Variants in ANKRD30A observed in about 807,000 individuals in gnomAD.
The protein encoded by ANKRD30A is ankyrin repeat domain-containing protein 30A.
Under a neutral mutation model 166.3 loss-of-function variants are expected in ANKRD30A, and 170 were observed. That is an observed-to-expected ratio of 1.02 (90% CI 0.90 to 1.16). The LOEUF is 1.16. Ranked by LOEUF, ANKRD30A falls within the 50% of genes most tolerant of loss-of-function variation. The pLI is 0.00. For synonymous variants in ANKRD30A, 564 were observed against 508.9 expected (o/e 1.11, Z -1.46); for missense variants, 1,630 against 1,518.0 (o/e 1.07, Z -1.23).
At chr10:37,129,255 T>A (rs772531798) in intron 1 of ANKRD30A, among the ~76,000 whole-genome samples, 1 of 152,202 alleles carries the variant, frequency 6.6e-6, no homozygotes, top group Non-Finnish European at 1.5e-5. Context: ...AATAAAAGAT[T>A]GTTTAAATTT....
At chr10:37,164,565 C>G (rs1379244949) in intron 17 of ANKRD30A, among the ~76,000 whole-genome samples, 1 of 152,030 alleles carries the variant, frequency 6.6e-6, no homozygotes, top group Non-Finnish European at 1.5e-5. Context: ...AAAACACACC[C>G]AATACACTGT....
rs869026268 is a variant in ANKRD30A, at chr10:37,142,570, C to CTT, written c.1393+309_1393+310dup. Among the ~76,000 whole-genome samples the CTT allele has an allele frequency of 7.2e-3, 567 of 78,998 alleles. 76 individuals carry two copies. The highest frequency in any genetic ancestry group is 0.018 in the Middle Eastern group (2 of 114). The allele number at this position is 78,998 out of a possible 152,430, so 51.8% of individuals were successfully genotyped here. On this transcript the variant is annotated intron_variant, in intron 7 of 35. Transcript: ENST00000361713. ...GGTACAGGGATATCATAGGATCACA[C>CTT]TTTTTTTTTTTTTTTTTTTTTTTTT...
At chr10:37,204,118 C>T (rs1266242339) in intron 31 of ANKRD30A, among the ~76,000 whole-genome samples, 1 of 152,146 alleles carries the variant, frequency 6.6e-6, no homozygotes, top group Non-Finnish European at 1.5e-5. Flanking sequence ...TGACTTTCTT[C>T]ACAGAATTGG....
chr10:37,208,573 C>T (rs1453980332), intron 31 of ANKRD30A, among the ~76,000 whole-genome samples: 2 of 152,080 alleles, frequency 1.3e-5, no homozygotes, highest in African/African-American at 4.8e-5. Flanking sequence ...CTTGAGACCT[C>T]CACTTTCTCA....
intron 1 of ANKRD30A, among the ~76,000 whole-genome samples, chr10:37,128,807 C>T (rs1292969940): frequency 6.6e-6 from 1 of 151,924 alleles, no homozygotes; most frequent in Non-Finnish European, 1.5e-5. Flanking sequence ...GGAAACTTTT[C>T]CTCTCATCTT....
At chr10:37,212,092 G>C (rs1267465768) in intron 31 of ANKRD30A, among the ~76,000 whole-genome samples, 1 of 151,934 alleles carries the variant, frequency 6.6e-6, no homozygotes, top group Non-Finnish European at 1.5e-5. Context: ...CCTTTTTACA[G>C]ACGACATGAT....
the ANKRD30A span, among the ~76,000 whole-genome samples, chr10:37,253,689 C>T: frequency 6.6e-6 from 1 of 150,812 alleles, no homozygotes; most frequent in Non-Finnish European, 1.5e-5. Flanking sequence ...CACTTTGTCC[C>T]CCAGGCTGGA....
At chr10:37,260,246 T>C in the ANKRD30A span, among the ~76,000 whole-genome samples, 1 of 152,168 alleles carries the variant, frequency 6.6e-6, no homozygotes, top group Admixed American at 6.5e-5. Flanking sequence ...TTTGAATAGC[T>C]ATTTGCTAAT....
chr10:37,241,481 T>C, the ANKRD30A span, among the ~76,000 whole-genome samples: 19 of 151,990 alleles, frequency 1.3e-4, no homozygotes, highest in African/African-American at 3.6e-4. Flanking sequence ...TTTAACAAAC[T>C]TTTTAGTGGA....
intron 35 of ANKRD30A, 142 bp from the exon 36 acceptor site, chr10:37,232,357 A>G (rs371657122): frequency 2.6e-5 from 4 of 151,626 alleles, no homozygotes; most frequent in African/African-American, 9.7e-5. Context: ...GAAAATAGCT[A>G]AATCAACTCT....
chr10:37,151,707 C>A (rs1837950210), intron 11 of ANKRD30A, among the ~76,000 whole-genome samples: 1 of 151,786 alleles, frequency 6.6e-6, no homozygotes, highest in Admixed American at 6.6e-5. Context: ...TATAAATTTA[C>A]AAAGAAAAGA....
intron 27 of ANKRD30A, among the ~76,000 whole-genome samples, chr10:37,196,209 ACTT>A (rs1287583738): frequency 6.6e-6 from 1 of 151,112 alleles, no homozygotes; most frequent in East Asian, 1.9e-4. Context: ...GAGTGAACTC[ACTT>A]CAGATGCATG....
chr10:37,145,535 G>C (rs1564482897), intron 8 of ANKRD30A, among the ~76,000 whole-genome samples: 1 of 152,196 alleles, frequency 6.6e-6, no homozygotes, highest in Non-Finnish European at 1.5e-5. Flanking sequence ...GTGCTGAGTA[G>C]ATTACTGCTT....
At chr10:37,148,032 C>T (rs1048085720) in intron 9 of ANKRD30A, among the ~76,000 whole-genome samples, 2 of 128,268 alleles carry the variant, frequency 1.6e-5, no homozygotes, top group African/African-American at 5.7e-5. Flanking sequence ...CATAGGTGTG[C>T]ATCTATAAAA....
the ANKRD30A span, among the ~76,000 whole-genome samples, chr10:37,244,633 C>T: frequency 1.4e-4 from 21 of 152,352 alleles, no homozygotes; most frequent in African/African-American, 4.6e-4. Flanking sequence ...ACCTCTGCTG[C>T]TTTCCCTCTG....
chr10:37,252,768 C>T, the ANKRD30A span, among the ~76,000 whole-genome samples: 47 of 152,032 alleles, frequency 3.1e-4, no homozygotes, highest in Non-Finnish European at 6.0e-4. Flanking sequence ...CTTAATTACA[C>T]TGTTTCAAAT....
rs758153783 is a variant in ANKRD30A at position 37,152,160 on chromosome 10, G to A, written c.1707+39G>A. 4 of 1,485,578 alleles carry A rather than the reference G, an allele frequency of 2.7e-6. No individual in the cohort carries two copies. The African/African-American group carries it at 4.2e-5, about 16-fold the overall frequency. 92.0% of individuals were successfully genotyped at this position (1,485,578 alleles called of 1,614,324 possible). A position where few individuals can be genotyped will look rare whatever the true frequency, so the allele number is the denominator to read the frequency against. Reference sequence around the variant, plus strand: ...TTGATTTTTTTTTAATATTAGTATTGCATGATATGAAAACATAAAGGCAGA... The same window carrying A: ...TTGATTTTTTTTTAATATTAGTATTACATGATATGAAAACATAAAGGCAGA... On this transcript the variant is annotated intron_variant, in intron 12 of 35. Transcript: ENST00000361713.
chr10:37,129,171 T>C (rs1200903), intron 1 of ANKRD30A, among the ~76,000 whole-genome samples: 67,408 of 151,988 alleles, frequency 0.44, 15,476 homozygotes, highest in South Asian at 0.7. Flanking sequence ...GACTGCCTCG[T>C]CCTGTTGTAT....
At chr10:37,152,652 G>T (rs1267483094) in intron 12 of ANKRD30A, among the ~76,000 whole-genome samples, 2 of 152,060 alleles carry the variant, frequency 1.3e-5, no homozygotes, top group Non-Finnish European at 2.9e-5. Flanking sequence ...AAACCTTGTG[G>T]GAGTATAATA....
Sources: gnomAD v4.1 joint callset for allele counts (sites outside exome capture counted in the v4.1 genomes callset) on GRCh38, gnomAD v4.1.1 for gene constraint, MANE v1.5 for transcripts, NCBI Gene and HGNC (gene_info 2026-07-23, HGNC 2026-07-21) for gene names.